Variants in BICRA observed in about 807,000 individuals in gnomAD.
The protein encoded by BICRA is BRD4-interacting chromatin-remodeling complex-associated protein.
A neutral mutation model predicts 96.9 loss-of-function variants in BICRA; 31 were observed. The ratio of observed to expected loss-of-function variants is 0.32; its 90% CI spans 0.24 to 0.43. BICRA has a LOEUF of 0.43. BICRA is among the 20% of genes least tolerant of loss of function. The pLI, the probability that BICRA is intolerant of heterozygous loss-of-function variation, is 1.00. For missense variants in BICRA, 2,283 were observed against 2,190.3 expected (o/e 1.04, Z -0.84); for synonymous variants, 1,350 against 1,071.8 (o/e 1.26, Z -5.07).
intron 7 of BICRA, among the ~76,000 whole-genome samples, chr19:47,687,951 A>C (rs1333270848): frequency 6.6e-6 from 1 of 152,088 alleles, no homozygotes; most frequent in Non-Finnish European, 1.5e-5. Context: ...GAAAGTGCTA[A>C]ACCTTTTTGA....
At chr19:47,631,837 CGG>C (rs1306705258) in intron 1 of BICRA, among the ~76,000 whole-genome samples, 5 of 152,028 alleles carry the variant, frequency 3.3e-5, no homozygotes. Context: ...TTAGTAGAGA[CGG>C]GGTTTCGCCA....
chr19:47,636,883 G>A (rs1047879673), intron 1 of BICRA, among the ~76,000 whole-genome samples: 3 of 151,958 alleles, frequency 2.0e-5, no homozygotes, highest in Non-Finnish European at 2.9e-5. Flanking sequence ...AGTCCTCTTC[G>A]TTCACTCACT....
chr19:47,689,604 G>T (rs560549855), intron 7 of BICRA, among the ~76,000 whole-genome samples: 2 of 152,214 alleles, frequency 1.3e-5, no homozygotes, highest in African/African-American at 4.8e-5. Context: ...TAGAGACAGG[G>T]TTTCGCCATG....
chr19:47,647,612 C>G (rs909910784), intron 1 of BICRA, among the ~76,000 whole-genome samples: 1 of 152,078 alleles, frequency 6.6e-6, no homozygotes, highest in Admixed American at 6.6e-5. Flanking sequence ...TCCTCTCTCT[C>G]CTTGGCACGT....
At chr19:47,635,216 G>A (rs2123527770) in intron 1 of BICRA, among the ~76,000 whole-genome samples, 1 of 150,598 alleles carries the variant, frequency 6.6e-6, no homozygotes, top group Non-Finnish European at 1.5e-5. Context: ...CCTTCATAAT[G>A]TTGTACAATC....
chr19:47,699,335 C>G lies in BICRA; in HGVS notation c.3525C>G (p.Ile1175Met), dbSNP rs764892627. 10 of 1,568,600 alleles carry G rather than the reference C, an allele frequency of 6.4e-6. No individual in the cohort carries two copies. Among genetic ancestry groups the G allele is most frequent in the Non-Finnish European group, 8.6e-6 (10 of 1,156,702 alleles). ...GCCCCTCAGCGGAGATGGTAATGAT[C>G]GACCGAATGTTCATTCAGGAGGAGA... ...RVSPSAEMVM[I>M]DRMFIQEEKT... The change falls in exon 14 of 15, where the codon ATC becomes ATG. Residue 1175 changes from isoleucine (I) to methionine (M), a missense_variant. Ile to Met is a conservative substitution (Grantham distance 10). Transcript: ENST00000594866. This position sits in a 1 kb window ranked among gnomAD's most constrained non-coding sequence, Gnocchi z 5.0.
In BICRA at chr19:47,610,611, C is replaced by T. The variant is rs1010330984; in HGVS notation, c.-108+1443C>T. Reference sequence around the variant, plus strand: ...CTGACCATCGTCCCCTTTTGTCACCCCCCCCCCACACACACACCTACCTAC... The same window carrying T: ...CTGACCATCGTCCCCTTTTGTCACCTCCCCCCCACACACACACCTACCTAC... On this transcript the variant is annotated intron_variant, in intron 1 of 14. Coordinates refer to ENST00000594866, the MANE Select transcript of BICRA (RefSeq NM_001394372.1). 3.8e-4 allele frequency among the ~76,000 whole-genome samples: 53 copies of T among 138,788 alleles called. 1 individual carries two copies. The highest frequency in any genetic ancestry group is 6.3e-4 in the Non-Finnish European group (42 of 66,194). The allele number at this position is 138,788 out of a possible 152,430, so 91.1% of individuals were successfully genotyped here.
chr19:47,644,551 AG>A (rs1972431608), intron 1 of BICRA, among the ~76,000 whole-genome samples: 1 of 146,416 alleles, frequency 6.8e-6, no homozygotes, highest in Non-Finnish European at 1.5e-5. Context: ...CTCAGGCTGG[AG>A]TGCAGTGGCA....
chr19:47,669,897 C>A (rs962909599), intron 1 of BICRA, among the ~76,000 whole-genome samples: 1 of 151,766 alleles, frequency 6.6e-6, no homozygotes, highest in Non-Finnish European at 1.5e-5. Context: ...ACCTCGCGAT[C>A]CACCTGTCTC....
At chr19:47,697,587 C>G (rs1431405921) in intron 11 of BICRA, among the ~76,000 whole-genome samples, 1 of 152,140 alleles carries the variant, frequency 6.6e-6, no homozygotes, top group Non-Finnish European at 1.5e-5. Context: ...AAGTGATTCT[C>G]CTACCTCAGT....
chr19:47,696,542 G>T, intron 11 of BICRA, 30 bp downstream of exon 11: 1 of 1,574,416 alleles, frequency 6.4e-7, no homozygotes, highest in Non-Finnish European at 8.6e-7. Context: ...TTGCATGCCT[G>T]CCCTGTACCT....
chr19:47,609,968 G>A (rs928659331), intron 1 of BICRA, among the ~76,000 whole-genome samples: 207 of 3,600 alleles, frequency 0.058, 3 homozygotes, highest in Non-Finnish European at 0.033. Context: ...TTACGGGGGT[G>A]GGGGGGGTGA....
In BICRA at chr19:47,701,412, T is replaced by G; in HGVS notation, c.3680T>G (p.Leu1227Arg). The G allele has an allele frequency of 6.3e-7, 1 of 1,597,774 alleles. No individual in the cohort carries two copies. Among genetic ancestry groups the G allele is most frequent in the Non-Finnish European group, 8.5e-7 (1 of 1,173,178 alleles). The change falls in exon 15 of 15, where the codon CTG (leucine) becomes CGG (arginine). Residue 1227 changes from leucine to arginine, a missense_variant. Transcript: ENST00000594866. This position sits in a 1 kb window ranked among gnomAD's most constrained non-coding sequence, Gnocchi z 5.4. ...CATCGGCTTCCCGGCCACGGCCCCC[T>G]GTCGTCTTCAGCTCCCGGGGCCTCC... ...EGHRLPGHGP[L>R]SSSAPGASTQ...
At chr19:47,627,460 C>G (rs564889934) in intron 1 of BICRA, among the ~76,000 whole-genome samples, 2 of 152,296 alleles carry the variant, frequency 1.3e-5, no homozygotes, top group East Asian at 3.9e-4. Flanking sequence ...GTAGGTGTTT[C>G]AAAATTCAGG....
chr19:47,652,343 A>G (rs905513904), intron 1 of BICRA, among the ~76,000 whole-genome samples: 13 of 152,072 alleles, frequency 8.5e-5, no homozygotes, highest in African/African-American at 3.1e-4. Flanking sequence ...GTGCCACCAC[A>G]CCCAGCTATT....
At chr19:47,645,437 C>T (rs188135561) in intron 1 of BICRA, among the ~76,000 whole-genome samples, 5 of 152,280 alleles carry the variant, frequency 3.3e-5, no homozygotes, top group Admixed American at 2.6e-4. Flanking sequence ...AAGGGCTGGT[C>T]ATCATCTTGT....
chr19:47,665,850 C>G (rs1450794627), intron 1 of BICRA, among the ~76,000 whole-genome samples: 3 of 152,194 alleles, frequency 2.0e-5, no homozygotes, highest in African/African-American at 7.2e-5. Flanking sequence ...ACCCTGGTAC[C>G]TGGCTGAAGC....
At position 47,698,139 on chromosome 19, in the gene BICRA, C is replaced by T. The variant is rs1204554882; in HGVS notation, c.3249-495C>T. 6.6e-6 allele frequency among the ~76,000 whole-genome samples: 1 copy of T among 152,152 alleles called. No homozygotes were observed. Among genetic ancestry groups the T allele is most frequent in the Non-Finnish European group, 1.5e-5 (1 of 68,034 alleles). ...GTTTTTAGCCGAGGGTGGAGTTGGG[C>T]CTGCCTGGTGGGGGAGACAGTCACA... On this transcript the variant is annotated intron_variant, in intron 11 of 14. Transcript: ENST00000594866. This position sits in a 1 kb window ranked among gnomAD's most constrained non-coding sequence, Gnocchi z 4.8.
Position 47,701,225 on chromosome 19 carries a change from G to T in BICRA, c.3596-103G>T. 1.3e-6 allele frequency: 1 copy of T among 772,370 alleles called. No homozygotes were observed. Among genetic ancestry groups the T allele is most frequent in the South Asian group, 1.5e-5 (1 of 66,962 alleles). 47.8% of individuals were successfully genotyped at this position (772,370 alleles called of 1,614,324 possible). On this transcript the variant is annotated intron_variant, in intron 14 of 14. Coordinates refer to ENST00000594866, the MANE Select transcript of BICRA (RefSeq NM_001394372.1). The surrounding 1 kb of genome is among the most constrained non-coding windows in gnomAD (Gnocchi z 5.4). ...GATTGGAGGGTCCAGGGTGCAGTCT[G>T]GTGCCTGGCAGGTAGTAGGTGCTCA...
Sources: gnomAD v4.1 joint callset for allele counts (sites outside exome capture counted in the v4.1 genomes callset) on GRCh38, gnomAD v4.1.1 for gene constraint, Gnocchi (gnomAD v3.1) non-coding constraint, MANE v1.5 for transcripts, NCBI Gene and HGNC (gene_info 2026-07-23, HGNC 2026-07-21) for gene names.